The following GRM3 variants were observed in gnomAD, a reference collection of about 807,000 sequenced individuals.
GRM3 encodes metabotropic glutamate receptor 3.
A neutral mutation model predicts 70.5 loss-of-function variants in GRM3; 26 were observed. The ratio of observed to expected loss-of-function variants is 0.37; its 90% confidence interval spans 0.27 to 0.51. The LOEUF is 0.51. Among genes scored for constraint, GRM3 ranks in the 20% least tolerant of loss-of-function variants. GRM3 has a pLI of 0.93. For missense variants in GRM3, 859 were observed against 1,123.8 expected (o/e 0.76, Z 3.37); for synonymous variants, 443 against 434.9 (o/e 1.02, Z -0.23).
chr7:86,770,601 A>C (rs1796715623), intron 2 of GRM3, among the ~76,000 whole-genome samples: 1 of 151,934 alleles, frequency 6.6e-6, no homozygotes, highest in South Asian at 2.1e-4. Context: ...CCTTCACTCA[A>C]CTCCACAGTG....
At chr7:86,745,545 C>T (rs763266646) in intron 1 of GRM3, among the ~76,000 whole-genome samples, 26 of 152,218 alleles carry the variant, frequency 1.7e-4, no homozygotes, top group Non-Finnish European at 2.9e-4. Flanking sequence ...GGAGAAGCCA[C>T]ATAGTCTCAC....
At chr7:86,677,000 C>T (rs769205117) in intron 1 of GRM3, among the ~76,000 whole-genome samples, 1 of 151,932 alleles carries the variant, frequency 6.6e-6, no homozygotes, top group Non-Finnish European at 1.5e-5. Flanking sequence ...GCATTCTAAG[C>T]CTCATATAGT....
rs2116542998 is a variant in GRM3, at chr7:86,786,494, C to T, written c.702C>T (p.Ala234=). 6.2e-7 allele frequency: 1 copy of T among 1,614,218 alleles called. No homozygotes were observed. The highest frequency in any genetic ancestry group is 8.5e-7 in the Non-Finnish European group (1 of 1,180,052). ...ETGIEAFEQE[A]RLRNICIATA... is the part of the protein sequence containing the mutation. ...GGATCGAGGCCTTCGAGCAGGAAGC[C>T]CGCCTGCGCAACATCTGCATCGCTA... is the stretch of plus-strand genomic sequence containing the variant. Residue 234 remains alanine, a synonymous_variant, in exon 3 of 6, where the codon GCC becomes GCT. Transcript: ENST00000361669. The surrounding 1 kb of genome is among the most constrained non-coding windows in gnomAD (Gnocchi z 6.0).
chr7:86,718,458 T>G (rs1017939085), intron 1 of GRM3, among the ~76,000 whole-genome samples: 1 of 152,002 alleles, frequency 6.6e-6, no homozygotes, highest in Non-Finnish European at 1.5e-5. Flanking sequence ...GAAAGGATAC[T>G]CTGCCTTTTC....
At chr7:86,703,507 A>G (rs976010127) in intron 1 of GRM3, among the ~76,000 whole-genome samples, 1 of 151,988 alleles carries the variant, frequency 6.6e-6, no homozygotes, top group Non-Finnish European at 1.5e-5. Flanking sequence ...ACATCAGAAG[A>G]GTGTGTTAGT....
At chr7:86,696,742 T>TC (rs1215091913) in intron 1 of GRM3, among the ~76,000 whole-genome samples, 2 of 152,070 alleles carry the variant, frequency 1.3e-5, no homozygotes, top group Non-Finnish European at 2.9e-5. Context: ...CAGTGGTAGC[T>TC]CCTGCTACGT....
At chr7:86,686,469 A>T (rs547990670) in intron 1 of GRM3, among the ~76,000 whole-genome samples, 1 of 152,350 alleles carries the variant, frequency 6.6e-6, no homozygotes, top group South Asian at 2.1e-4. Flanking sequence ...GGTTGCAAAG[A>T]TATTTCAGAG....
At chr7:86,756,655 C>G (rs954639353) in intron 1 of GRM3, among the ~76,000 whole-genome samples, 1 of 152,076 alleles carries the variant, frequency 6.6e-6, no homozygotes, top group Non-Finnish European at 1.5e-5. Context: ...TTACTTTAAT[C>G]AATTTGGCTA....
intron 1 of GRM3, among the ~76,000 whole-genome samples, chr7:86,740,334 C>T (rs1021547824): frequency 6.6e-6 from 1 of 152,036 alleles, no homozygotes; most frequent in African/African-American, 2.4e-5. Context: ...TATGTGTTCT[C>T]TTAATCCGGA....
intron 3 of GRM3, among the ~76,000 whole-genome samples, chr7:86,834,723 T>C (rs1280703503): frequency 6.6e-6 from 1 of 152,032 alleles, no homozygotes; most frequent in East Asian, 1.9e-4. Flanking sequence ...ATAAAACATA[T>C]TACTTTAGAA....
chr7:86,776,763 T>A (rs185194633), intron 2 of GRM3, among the ~76,000 whole-genome samples: 2 of 152,318 alleles, frequency 1.3e-5, no homozygotes, highest in African/African-American at 4.8e-5. Context: ...TCTGAGGTAC[T>A]AAACGATGTG....
intron 1 of GRM3, among the ~76,000 whole-genome samples, chr7:86,733,184 G>A (rs934633785): frequency 6.6e-6 from 1 of 151,938 alleles, no homozygotes; most frequent in Admixed American, 6.6e-5. Flanking sequence ...CATGCTGGCA[G>A]GCATCTGTGG....
At chr7:86,693,580 A>T (rs982958046) in intron 1 of GRM3, among the ~76,000 whole-genome samples, 8 of 152,230 alleles carry the variant, frequency 5.3e-5, no homozygotes, top group Non-Finnish European at 1.0e-4. Context: ...ATCGTAGGAA[A>T]ATAAGAAAAC....
At chr7:86,658,172 T>C (rs1405338684) in intron 1 of GRM3, among the ~76,000 whole-genome samples, 1 of 152,250 alleles carries the variant, frequency 6.6e-6, no homozygotes, top group Non-Finnish European at 1.5e-5. Flanking sequence ...GACCTTCGTC[T>C]TATACCCACC....
At chr7:86,721,761 A>G (rs974441448) in intron 1 of GRM3, among the ~76,000 whole-genome samples, 3 of 152,136 alleles carry the variant, frequency 2.0e-5, no homozygotes, top group African/African-American at 7.2e-5. Context: ...GATGATACCA[A>G]GAACCAATGC....
intron 1 of GRM3, among the ~76,000 whole-genome samples, chr7:86,677,182 C>T (rs1794327392): frequency 6.6e-6 from 1 of 151,974 alleles, no homozygotes; most frequent in African/African-American, 2.4e-5. Context: ...TATGACTTGA[C>T]TTCCACTTAA....
At chr7:86,830,840 A>T (rs1228300194) in intron 3 of GRM3, among the ~76,000 whole-genome samples, 1 of 152,218 alleles carries the variant, frequency 6.6e-6, no homozygotes, top group Admixed American at 6.5e-5. Flanking sequence ...AAATAAGGTC[A>T]TTAGGGTGGG....
chr7:86,720,281 C>G (rs906933170), intron 1 of GRM3, among the ~76,000 whole-genome samples: 1 of 151,892 alleles, frequency 6.6e-6, no homozygotes, highest in Non-Finnish European at 1.5e-5. Flanking sequence ...GAGATAGAGG[C>G]TACTGGAAGA....
intron 3 of GRM3, among the ~76,000 whole-genome samples, chr7:86,801,561 T>TAA (rs1184674112): frequency 1.2e-4 from 19 of 152,340 alleles, no homozygotes; most frequent in African/African-American, 4.6e-4. Context: ...AGAGAATCTT[T>TAA]AGTATTCAGT....
Sources: allele counts gnomAD v4.1 joint callset (sites outside exome capture counted in the v4.1 genomes callset), GRCh38; gene constraint gnomAD v4.1.1; non-coding constraint Gnocchi (gnomAD v3.1); transcripts MANE v1.5; gene names NCBI Gene and HGNC (gene_info 2026-07-23, HGNC 2026-07-21).